Variants in ADAMTS20 observed in about 807,000 individuals in gnomAD.
The protein encoded by ADAMTS20 is ADAM metallopeptidase with thrombospondin type 1 motif 20.
ADAMTS20 carries 225 observed loss-of-function variants against 260.1 expected under a neutral mutation model. The ratio of observed to expected loss-of-function variants is 0.87; its 90% confidence interval spans 0.78 to 0.97. ADAMTS20 has a LOEUF of 0.97. ADAMTS20 is among the 50% of genes least tolerant of loss of function. The pLI, the probability that ADAMTS20 is intolerant of heterozygous loss-of-function variation, is 0.00. For synonymous variants in ADAMTS20, 802 were observed against 769.5 expected (o/e 1.04, Z -0.70); for missense variants, 2,400 against 2,337.7 (o/e 1.03, Z -0.55).
chr12:43,551,740 C>A lies in ADAMTS20; in HGVS notation c.91+91G>T, dbSNP rs1173112135. The A allele has an allele frequency of 1.5e-6, 2 of 1,345,020 alleles. No homozygotes were observed. The highest frequency in any genetic ancestry group is 4.7e-5 in the East Asian group (2 of 42,782). 83.3% of individuals were successfully genotyped at this position (1,345,020 alleles called of 1,614,324 possible). ...CTCCAGCAGGGCCAGCGTTCCCCAA[C>A]GGGCTGAGCCGCTCGTCCCCGCGAC... On this transcript the variant is annotated intron_variant, in intron 1 of 38. Coordinates refer to ENST00000389420, the MANE Select transcript of ADAMTS20 (RefSeq NM_025003.5). The surrounding 1 kb of genome is among the most constrained non-coding windows in gnomAD (Gnocchi z 4.6).
At chr12:43,371,666 C>T (rs1592031027) in intron 36 of ADAMTS20, among the ~76,000 whole-genome samples, 2 of 152,150 alleles carry the variant, frequency 1.3e-5, no homozygotes, top group South Asian at 4.2e-4. Flanking sequence ...ACAGTAAGTG[C>T]GAAGGCCTTA....
At position 43,400,657 on chromosome 12, in the gene ADAMTS20, C is replaced by A. The variant is rs115127827; in HGVS notation, c.4285-1424G>T. On this transcript the variant is annotated intron_variant, in intron 28 of 38. Transcript: ENST00000389420. ...TGACCATGTTATCTTGGGCACTTAC[C>A]CTGCCTCTTTCTTTTCTTCATTGTT... Among the ~76,000 whole-genome samples the A allele has an allele frequency of 4.6e-3, 691 of 151,738 alleles. 6 individuals carry two copies. The highest frequency in any genetic ancestry group is 0.016 in the African/African-American group (662 of 41,470).
intron 29 of ADAMTS20, among the ~76,000 whole-genome samples, chr12:43,394,464 C>T (rs904334604): frequency 6.6e-5 from 10 of 152,054 alleles, no homozygotes; most frequent in African/African-American, 2.4e-4. Flanking sequence ...TAAGCAACTC[C>T]ATCATATTTA....
Position 43,452,384 on chromosome 12 carries a change from A to G in ADAMTS20, c.1969T>C (p.Tyr657His), listed in dbSNP as rs1371210742. The G allele has an allele frequency of 6.2e-7, 1 of 1,613,188 alleles. No homozygotes were observed. The highest frequency in any genetic ancestry group is 8.5e-7 in the Non-Finnish European group (1 of 1,179,546). ...TAATTGGTTCCAGCAACCTGACAATAGAGTTTACAACGATCCTTTGTGCCA... is the reference window on the plus strand; with the variant it reads ...TAATTGGTTCCAGCAACCTGACAATGGAGTTTACAACGATCCTTTGTGCCA... The part of the protein sequence containing the change: ...GIGTKDRCKL[Y>H]CQVAGTNYFY... The change falls in exon 14 of 39, where the codon TAT (tyrosine) becomes CAT (histidine). Residue 657 changes from tyrosine (Y) to histidine (H), a missense_variant. Coordinates refer to ENST00000389420, the MANE Select transcript of ADAMTS20 (RefSeq NM_025003.5).
intron 7 of ADAMTS20, among the ~76,000 whole-genome samples, chr12:43,469,704 C>T (rs1464837972): frequency 6.6e-6 from 1 of 152,108 alleles, no homozygotes. Flanking sequence ...AATAAACAGA[C>T]TTCATTAGCT....
intron 3 of ADAMTS20, among the ~76,000 whole-genome samples, chr12:43,512,534 C>T (rs1269651733): frequency 6.6e-6 from 1 of 151,934 alleles, no homozygotes; most frequent in East Asian, 1.9e-4. Flanking sequence ...TTAGAAATTT[C>T]AACCAGTACT....
chr12:43,355,040 G>A (rs1396095186), intron 38 of ADAMTS20, among the ~76,000 whole-genome samples: 2 of 152,188 alleles, frequency 1.3e-5, no homozygotes, highest in African/African-American at 2.4e-5. Flanking sequence ...AAAATAGGTT[G>A]AACTCCTATC....
At chr12:43,518,891 CT>C (rs1943034743) in intron 3 of ADAMTS20, among the ~76,000 whole-genome samples, 1 of 151,540 alleles carries the variant, frequency 6.6e-6, no homozygotes, top group Non-Finnish European at 1.5e-5. Flanking sequence ...TACCTGTCAG[CT>C]TGACCATCAA....
chr12:43,496,220 G>T lies in ADAMTS20; in HGVS notation c.868-2967C>A, dbSNP rs1380571198. On this transcript the variant is annotated intron_variant, in intron 4 of 38. Transcript: ENST00000389420. The stretch of plus-strand genomic sequence containing the variant: ...GTGCCAGATGTGTTCAAGTTTAAAT[G>T]TATTAATTCATTTAATTATCACAAC... Among the ~76,000 whole-genome samples, 4 of 152,138 alleles carry T rather than the reference G, an allele frequency of 2.6e-5. No individual in the cohort carries two copies. In the East Asian group the frequency reaches 5.8e-4, roughly 22 times the overall value.
chr12:43,379,418 C>T (rs1565672466), intron 31 of ADAMTS20, among the ~76,000 whole-genome samples: 1 of 152,018 alleles, frequency 6.6e-6, no homozygotes, highest in South Asian at 2.1e-4. Context: ...TACACATGTC[C>T]AGGTCTGTCT....
intron 28 of ADAMTS20, among the ~76,000 whole-genome samples, chr12:43,403,222 A>G (rs1592050295): frequency 1.3e-5 from 2 of 152,262 alleles, no homozygotes; most frequent in East Asian, 3.9e-4. Context: ...CTCATATTTG[A>G]GGTGCGGATT....
intron 29 of ADAMTS20, among the ~76,000 whole-genome samples, chr12:43,386,156 G>T (rs1035939797): frequency 1.3e-5 from 2 of 151,908 alleles, no homozygotes; most frequent in Admixed American, 1.3e-4. Flanking sequence ...TATCTCCTTT[G>T]GTTCTGCTCT....
At position 43,462,988 on chromosome 12, in the gene ADAMTS20, C is replaced by T. The variant is rs1178460995; in HGVS notation, c.1521G>A (p.Met507Ile). The stretch of plus-strand genomic sequence containing the variant: ...TTTCTGTGCTTGTGCACCACAGATG[C>T]ATGCATATATTCTCCTGAGTAACAA... ...SQMCPHINIC[M>I]HLWCTSTEKL... The change falls in exon 11 of 39, where the codon ATG becomes ATA. Residue 507 changes from methionine (M) to isoleucine (I), a missense_variant. By Grantham distance (10) the Met-to-Ile change is conservative. Coordinates refer to ENST00000389420, the MANE Select transcript of ADAMTS20 (RefSeq NM_025003.5). The T allele has an allele frequency of 1.9e-6, 3 of 1,602,678 alleles. No homozygotes were observed. The highest frequency in any genetic ancestry group is 2.6e-6 in the Non-Finnish European group (3 of 1,174,038).
In ADAMTS20 at chr12:43,550,938, T is replaced by G; in HGVS notation, c.424A>C (p.Lys142Gln). The stretch of plus-strand genomic sequence containing the variant: ...CCTCCGCATAAGCTGACGACGGCCT[T>G]GTAATCCTCCTGTGAGTTGACCTGG... ...RGQVNSQEDY[K>Q]AVVSLCGGLT... Residue 142 changes from lysine to glutamine, a missense_variant, in exon 2 of 39, where the codon AAG (lysine) becomes CAG (glutamine). Physicochemically the swap from Lys to Gln is moderately conservative, Grantham distance 53 (BLOSUM62 1). Coordinates refer to ENST00000389420, the MANE Select transcript of ADAMTS20 (RefSeq NM_025003.5). The G allele has an allele frequency of 6.3e-7, 1 of 1,583,132 alleles. No homozygotes were observed. The highest frequency in any genetic ancestry group is 8.6e-7 in the Non-Finnish European group (1 of 1,160,928).
At chr12:43,546,616 A>G (rs1470546901) in intron 2 of ADAMTS20, among the ~76,000 whole-genome samples, 3 of 152,182 alleles carry the variant, frequency 2.0e-5, no homozygotes. Flanking sequence ...TAACAACATT[A>G]TGAGATGATA....
At chr12:43,354,796 T>C (rs537759811) in intron 38 of ADAMTS20, among the ~76,000 whole-genome samples, 2 of 152,214 alleles carry the variant, frequency 1.3e-5, no homozygotes, top group South Asian at 4.2e-4. Context: ...AAACACACTC[T>C]GGAGAAAAGT....
At chr12:43,380,494 ATCTC>A (rs36079942) in intron 31 of ADAMTS20, among the ~76,000 whole-genome samples, 5,259 of 152,274 alleles carry the variant, frequency 0.035, 123 homozygotes, top group Non-Finnish European at 0.052. Context: ...AAGTAAAACT[ATCTC>A]TATTTGTAGA....
At chr12:43,449,916 C>T (rs937329635) in intron 14 of ADAMTS20, among the ~76,000 whole-genome samples, 3 of 152,078 alleles carry the variant, frequency 2.0e-5, no homozygotes, top group Non-Finnish European at 4.4e-5. Context: ...GAAATAAAAC[C>T]TAGGAATCTG....
chr12:43,446,868 T>C, intron 14 of ADAMTS20, 156 bp from the exon 15 acceptor site: 1 of 606,948 alleles, frequency 1.6e-6, no homozygotes, highest in Non-Finnish European at 2.9e-6. Context: ...AACACCTCTA[T>C]GCACATGAAC....
Sources: gnomAD v4.1 joint callset for allele counts (sites outside exome capture counted in the v4.1 genomes callset) on GRCh38, gnomAD v4.1.1 for gene constraint, Gnocchi (gnomAD v3.1) non-coding constraint, MANE v1.5 for transcripts, NCBI Gene and HGNC (gene_info 2026-07-23, HGNC 2026-07-21) for gene names.